MAP3K7CL: variants seen among roughly 807,000 people sequenced by gnomAD.
The protein encoded by MAP3K7CL is MAP3K7 C-terminal like.
A neutral mutation model predicts 18.6 loss-of-function variants in MAP3K7CL; 16 were observed. The ratio of observed to expected loss-of-function variants is 0.86; its 90% CI spans 0.58 to 1.31. MAP3K7CL has a LOEUF of 1.31. MAP3K7CL is among the 50% of genes most tolerant of loss of function. The probability of loss-of-function intolerance (pLI) is 0.00; values close to 1 mark genes in which losing one functional copy is unlikely to be tolerated. For synonymous variants in MAP3K7CL, 65 were observed against 66.8 expected, an observed-to-expected ratio of 0.97 and a Z score of 0.13; for missense variants, 163 against 174.4, an observed-to-expected ratio of 0.93 and a Z score of 0.37.
intron 2 of MAP3K7CL, among the ~76,000 whole-genome samples, chr21:29,143,438 T>G (rs1408084610): frequency 6.6e-6 from 1 of 151,996 alleles, no homozygotes; most frequent in Non-Finnish European, 1.5e-5. Flanking sequence ...TCTTTTTTTT[T>G]TGAGGCGGAG....
In MAP3K7CL at chr21:29,122,780, G is replaced by A. The variant is rs138344039; in HGVS notation, c.371-26409G>A. Among the ~76,000 whole-genome samples, 792 of 152,308 alleles carry A rather than the reference G, an allele frequency of 5.2e-3. 7 individuals carry two copies. Among genetic ancestry groups the A allele is most frequent in the African/African-American group, 0.018 (755 of 41,564 alleles). On this transcript the variant is annotated intron_variant, in intron 4 of 6. Transcript: ENST00000286791. ...AGGCAACATTCGGGTGGGAAATGAG[G>A]AATGCATGTTCTTACTTTGGGCCAT...
chr21:29,138,514 C>G (rs1027288849), intron 2 of MAP3K7CL, among the ~76,000 whole-genome samples: 2 of 152,202 alleles, frequency 1.3e-5, no homozygotes, highest in African/African-American at 4.8e-5. Flanking sequence ...TTATATGAGA[C>G]TTTTCTTCAT....
chr21:29,087,276 A>T (rs1380586970), intron 1 of MAP3K7CL, among the ~76,000 whole-genome samples: 9 of 152,176 alleles, frequency 5.9e-5, no homozygotes, highest in Admixed American at 5.2e-4. Flanking sequence ...TTCCTTTTAC[A>T]TCACCCTATT....
chr21:29,149,475 G>T (rs2087220280), intron 3 of MAP3K7CL, among the ~76,000 whole-genome samples: 1 of 152,212 alleles, frequency 6.6e-6, no homozygotes, highest in East Asian at 1.9e-4. Flanking sequence ...AGTGCTTATA[G>T]CATAAACTGG....
At chr21:29,110,085 G>T (rs962842695) in intron 4 of MAP3K7CL, among the ~76,000 whole-genome samples, 5 of 152,070 alleles carry the variant, frequency 3.3e-5, no homozygotes, top group African/African-American at 1.2e-4. Flanking sequence ...TTTTCTTCAA[G>T]CCTTGTATAA....
At chr21:29,103,726 C>T (rs987367301) in intron 4 of MAP3K7CL, among the ~76,000 whole-genome samples, 15 of 150,486 alleles carry the variant, frequency 1.0e-4, no homozygotes, top group African/African-American at 3.7e-4. Context: ...CAGAGTGAGA[C>T]TTTGTCTCAA....
At chr21:29,170,558 A>C (rs1568975433) in intron 4 of MAP3K7CL, among the ~76,000 whole-genome samples, 1 of 152,196 alleles carries the variant, frequency 6.6e-6, no homozygotes, top group African/African-American at 2.4e-5. Flanking sequence ...GACACAAGTA[A>C]TTTGAAGAGA....
Position 29,160,057 on chromosome 21 carries a change from G to A in MAP3K7CL, c.248+1G>A. The A allele has an allele frequency of 6.2e-7, 1 of 1,610,420 alleles. No homozygotes were observed. The highest frequency in any genetic ancestry group is 8.5e-7 in the Non-Finnish European group (1 of 1,176,724). ...AAATCACCCTGCTTGAGCAAAGGAA[G>A]TAAGTACCTACCCCCCTCACTCTAC... On this transcript the variant is annotated splice_donor_variant, in intron 4 of 4. Transcript: ENST00000399928. LOFTEE classifies it high-confidence loss of function.
At chr21:29,099,095 T>G (rs1226918808) in intron 4 of MAP3K7CL, among the ~76,000 whole-genome samples, 1 of 151,980 alleles carries the variant, frequency 6.6e-6, no homozygotes, top group Admixed American at 6.6e-5. Context: ...CTTTCTTTTC[T>G]TTTCTTTTCT....
At chr21:29,127,749 C>T (rs28633762), upstream of MAP3K7CL, 72,828 of 151,986 alleles carry the variant, frequency 0.48, 17,795 homozygotes, top group East Asian at 0.67. Context: ...GTCATGAGGA[C>T]GTAGCTGTCA....
chr21:29,154,020 G>A (rs1005544167), intron 3 of MAP3K7CL, among the ~76,000 whole-genome samples: 2 of 152,156 alleles, frequency 1.3e-5, no homozygotes, highest in Non-Finnish European at 2.9e-5. Context: ...CCAAGGCATG[G>A]GCATTAGCAT....
intron 4 of MAP3K7CL, among the ~76,000 whole-genome samples, chr21:29,110,703 T>TGTACC (rs1014781936): frequency 1.3e-5 from 2 of 152,166 alleles, no homozygotes; most frequent in Non-Finnish European, 2.9e-5. Flanking sequence ...CGGCCATCTC[T>TGTACC]GTACCTTTTT....
intron 1 of MAP3K7CL, among the ~76,000 whole-genome samples, chr21:29,078,178 T>G (rs905762738): frequency 6.6e-6 from 1 of 152,184 alleles, no homozygotes; most frequent in Non-Finnish European, 1.5e-5. Flanking sequence ...TTGTATTGTT[T>G]ATTTCATGTT....
chr21:29,136,435 G>T (rs2086887709), intron 2 of MAP3K7CL, among the ~76,000 whole-genome samples: 1 of 152,128 alleles, frequency 6.6e-6, no homozygotes, highest in Non-Finnish European at 1.5e-5. Flanking sequence ...TACATTGTTG[G>T]ATTTATTGTT....
chr21:29,111,851 C>T, intron 4 of MAP3K7CL, among the ~76,000 whole-genome samples: 1 of 152,190 alleles, frequency 6.6e-6, no homozygotes, highest in East Asian at 1.9e-4. Flanking sequence ...TGTTGCAAAT[C>T]AAGTTGATTC....
chr21:29,104,329 T>C (rs1365982802), intron 4 of MAP3K7CL, among the ~76,000 whole-genome samples: 1 of 152,162 alleles, frequency 6.6e-6, no homozygotes, highest in Non-Finnish European at 1.5e-5. Context: ...AGCTGTGGTT[T>C]ACATGTAAAC....
At chr21:29,135,028 G>A (rs1366710761) in intron 2 of MAP3K7CL, among the ~76,000 whole-genome samples, 1 of 150,544 alleles carries the variant, frequency 6.6e-6, no homozygotes, top group African/African-American at 2.4e-5. Flanking sequence ...TCCAGCCTGG[G>A]CAACAGAGCA....
In MAP3K7CL at chr21:29,160,116, G is replaced by T. The variant is rs2832224; in HGVS notation, c.248+60G>T. On this transcript the variant is annotated intron_variant, in intron 4 of 4. Coordinates refer to ENST00000399928, the MANE Select transcript of MAP3K7CL (RefSeq NM_001286620.2). Reference sequence around the variant, plus strand: ...ACTGCCTACTGGGCAAGGACCAGGGGCAATGGGCAGGGGACAGGCTGAGTG... The same window carrying T: ...ACTGCCTACTGGGCAAGGACCAGGGTCAATGGGCAGGGGACAGGCTGAGTG... The T allele has an allele frequency of 1.4e-5, 19 of 1,355,844 alleles. No individual in the cohort carries two copies. In the Admixed American group the frequency reaches 3.4e-4, roughly 24 times the overall value. 84.0% of individuals were successfully genotyped at this position (1,355,844 alleles called of 1,614,324 possible).
chr21:29,169,783 T>C (rs2087778117), intron 4 of MAP3K7CL, among the ~76,000 whole-genome samples: 1 of 152,244 alleles, frequency 6.6e-6, no homozygotes, highest in South Asian at 2.1e-4. Context: ...AAAGTTTTCT[T>C]AACCAATTGA....
Sources: allele counts gnomAD v4.1 joint callset (sites outside exome capture counted in the v4.1 genomes callset), GRCh38; gene constraint gnomAD v4.1.1; transcripts MANE v1.5; gene names NCBI Gene and HGNC (gene_info 2026-07-23, HGNC 2026-07-21).